Variants in MYO10 observed in about 807,000 individuals in gnomAD.
MYO10 encodes the protein unconventional myosin-X.
In MYO10, 133 loss-of-function variants were observed where a neutral mutation model predicts 257.3. The observed-to-expected ratio is 0.52, with a 90% confidence interval of 0.45 to 0.60. MYO10 has a LOEUF of 0.60. Ranked by LOEUF, MYO10 falls within the 20% of genes least tolerant of loss-of-function variation. MYO10 has a pLI of 0.00. For missense variants in MYO10, 2,399 were observed against 2,635.7 expected, an observed-to-expected ratio of 0.91 and a Z score of 1.97; for synonymous variants, 1,104 against 1,028.6, an observed-to-expected ratio of 1.07 and a Z score of -1.40.
At chr5:16,880,409 G>C (rs557037069) in intron 1 of MYO10, among the ~76,000 whole-genome samples, 18 of 152,020 alleles carry the variant, frequency 1.2e-4, no homozygotes, top group Non-Finnish European at 2.4e-4. Flanking sequence ...GAGTTCCCCG[G>C]AGAGTTATAC....
chr5:16,772,228 G>C (rs1741074596), intron 9 of MYO10, among the ~76,000 whole-genome samples: 1 of 151,866 alleles, frequency 6.6e-6, no homozygotes, highest in Admixed American at 6.6e-5. Context: ...CGCCTTCCGG[G>C]TTCAAGTGAT....
At chr5:16,718,583 T>C (rs1739003861) in intron 19 of MYO10, among the ~76,000 whole-genome samples, 1 of 150,236 alleles carries the variant, frequency 6.7e-6, no homozygotes, top group South Asian at 2.1e-4. Flanking sequence ...TCAGGGACTG[T>C]AAACACACCA....
chr5:16,762,559 G>A lies in MYO10; in HGVS notation c.1573C>T (p.His525Tyr). The A allele has an allele frequency of 1.2e-6, 2 of 1,607,834 alleles. No individual in the cohort carries two copies. Among genetic ancestry groups the A allele is most frequent in the Non-Finnish European group, 1.7e-6 (2 of 1,177,116 alleles). ...TTTTGACATACCGCATGCTGACTGT[G>A]TAGCTTCTCCAATAAGGTGCTGTCT... The part of the protein sequence containing the change: ...ATDSTLLEKL[H>Y]SQHANNHFYV... The change falls in exon 15 of 41, where the codon CAC (histidine) becomes TAC (tyrosine). Residue 525 changes from histidine (H) to tyrosine (Y), a missense_variant. By Grantham distance (83) the His-to-Tyr change is moderately conservative. Transcript: ENST00000513610.
intron 2 of MYO10, among the ~76,000 whole-genome samples, chr5:16,854,735 C>T (rs1196375494): frequency 6.6e-6 from 1 of 152,008 alleles, no homozygotes; most frequent in Non-Finnish European, 1.5e-5. Context: ...CAAAACAAAA[C>T]AAAACAAAAC....
Position 16,711,062 on chromosome 5 carries a change from T to C in MYO10, c.2055-40A>G, listed in dbSNP as rs556406182. On this transcript the variant is annotated intron_variant, in intron 20 of 40. Coordinates refer to ENST00000513610, the MANE Select transcript of MYO10 (RefSeq NM_012334.3). ...CACACAGGGTCACCTTCTGCGATGG[T>C]TCCCTGTTTTCTCCAACCCCTTTGA... The C allele has an allele frequency of 3.1e-6, 5 of 1,613,074 alleles. No individual in the cohort carries two copies. In the African/African-American group the frequency reaches 6.7e-5, roughly 22 times the overall value.
chr5:16,776,565 T>C (rs1253726416), intron 9 of MYO10, among the ~76,000 whole-genome samples: 1 of 152,204 alleles, frequency 6.6e-6, no homozygotes, highest in African/African-American at 2.4e-5. Context: ...ATTTCATGTA[T>C]AAATTTCTCT....
chr5:16,703,914 C>T (rs1738209280), intron 22 of MYO10, among the ~76,000 whole-genome samples: 1 of 147,374 alleles, frequency 6.8e-6, no homozygotes, highest in Non-Finnish European at 1.5e-5. Context: ...AAAGAAGTCA[C>T]CTCATTCCTC....
At chr5:16,780,776 A>G in intron 6 of MYO10, 35 bp from the exon 7 acceptor site, 2 of 1,558,600 alleles carry the variant, frequency 1.3e-6, no homozygotes, top group Non-Finnish European at 1.7e-6. Context: ...TCAAGGAAAA[A>G]AACAAAGCTA....
Position 16,662,061 on chromosome 5 carries a change from A to C in MYO10, c.*4631T>G, listed in dbSNP as rs920047772. 6.6e-6 allele frequency: 1 copy of C among 152,212 alleles called. No homozygotes were observed. Among genetic ancestry groups the C allele is most frequent in the East Asian group, 1.9e-4 (1 of 5,204 alleles). The allele number at this position is 152,212 out of a possible 1,614,324, so 9.4% of individuals were successfully genotyped here. ...GGTCCGATATTTTCCAGCAATCGTG[A>C]TGCTTCTCTGATCAACTGAATGAAA... On this transcript the variant is annotated 3_prime_UTR_variant, in exon 41 of 41. Coordinates refer to ENST00000513610, the MANE Select transcript of MYO10 (RefSeq NM_012334.3).
chr5:16,793,981 T>A (rs1157258535), intron 4 of MYO10, among the ~76,000 whole-genome samples: 1 of 150,808 alleles, frequency 6.6e-6, no homozygotes, highest in African/African-American at 2.4e-5. Flanking sequence ...TTTCTAGTAA[T>A]AAAGGAGCTG....
chr5:16,804,746 C>T (rs936511779), intron 3 of MYO10, among the ~76,000 whole-genome samples: 1 of 152,022 alleles, frequency 6.6e-6, no homozygotes, highest in Non-Finnish European at 1.5e-5. Flanking sequence ...GAAACCCCAT[C>T]TCTACTAAAA....
At chr5:16,852,977 A>G (rs1245440666) in intron 2 of MYO10, among the ~76,000 whole-genome samples, 1 of 152,222 alleles carries the variant, frequency 6.6e-6, no homozygotes, top group Non-Finnish European at 1.5e-5. Flanking sequence ...GGGTAGAACT[A>G]GGAATGAAAT....
intron 4 of MYO10, among the ~76,000 whole-genome samples, chr5:16,784,914 C>A (rs573215360): frequency 6.6e-6 from 1 of 152,154 alleles, no homozygotes; most frequent in African/African-American, 2.4e-5. Context: ...GCTCTGCTAG[C>A]GACAGGCCTG....
At chr5:16,885,944 T>C (rs1744885419) in intron 1 of MYO10, among the ~76,000 whole-genome samples, 1 of 152,162 alleles carries the variant, frequency 6.6e-6, no homozygotes, top group African/African-American at 2.4e-5. Context: ...TAGCAGTCGG[T>C]GGCCTTCATA....
intron 19 of MYO10, among the ~76,000 whole-genome samples, chr5:16,740,346 A>T (rs1739972445): frequency 6.6e-6 from 1 of 151,938 alleles, no homozygotes; most frequent in Non-Finnish European, 1.5e-5. Context: ...GCTAATGCTT[A>T]GAGGGGAAAA....
chr5:16,674,563 GTTTTT>G (rs5866200), intron 35 of MYO10, among the ~76,000 whole-genome samples: 1 of 143,260 alleles, frequency 7.0e-6, no homozygotes, highest in East Asian at 2.0e-4. Flanking sequence ...AAATATCCAA[GTTTTT>G]TTTTTTTTTT....
In MYO10 at chr5:16,666,021, T is replaced by C. The variant is rs1408226566; in HGVS notation, c.*671A>G. On this transcript the variant is annotated 3_prime_UTR_variant, in exon 41 of 41. Coordinates refer to ENST00000513610, the MANE Select transcript of MYO10 (RefSeq NM_012334.3). ...AAAATATACAGACTGTGTACACCAT[T>C]ACACATCCTTTTTCCCTTTGCTTTT... 6.6e-6 allele frequency: 1 copy of C among 152,576 alleles called. No homozygotes were observed. The highest frequency in any genetic ancestry group is 2.4e-5 in the African/African-American group (1 of 41,354). The allele number at this position is 152,576 out of a possible 1,614,324, so 9.5% of individuals were successfully genotyped here. A position where few individuals can be genotyped will look rare whatever the true frequency, so the allele number is the denominator to read the frequency against.
intron 37 of MYO10, among the ~76,000 whole-genome samples, chr5:16,671,949 A>G (rs1579789861): frequency 1.3e-5 from 2 of 152,344 alleles, no homozygotes; most frequent in East Asian, 3.9e-4. Flanking sequence ...GTTTATACTA[A>G]GCAGGAATAC....
intron 3 of MYO10, chr5:16,815,020 G>C (rs1742561954): frequency 6.5e-6 from 1 of 154,366 alleles, no homozygotes; most frequent in South Asian, 2.1e-4. Flanking sequence ...CTTGACTATT[G>C]AAAATGTACA....
Sources: gnomAD v4.1 joint callset for allele counts (sites outside exome capture counted in the v4.1 genomes callset) on GRCh38, gnomAD v4.1.1 for gene constraint, MANE v1.5 for transcripts, NCBI Gene and HGNC (gene_info 2026-07-23, HGNC 2026-07-21) for gene names.